ZMAT4: variants seen among roughly 807,000 people sequenced by gnomAD.
ZMAT4 encodes zinc finger matrin-type 4, also known as zinc finger matrin-type protein 4.
In ZMAT4, 17 loss-of-function variants were observed where a neutral mutation model predicts 28.7. The ratio of observed to expected loss-of-function variants is 0.59; its 90% CI spans 0.41 to 0.89. The LOEUF (loss-of-function observed/expected upper bound fraction) is 0.89. Among genes scored for constraint, ZMAT4 ranks in the 40% least tolerant of loss-of-function variants. The pLI is 0.00. For missense variants in ZMAT4, 240 were observed against 283.8 expected (o/e 0.85, Z 1.11); for synonymous variants, 117 against 109.2 (o/e 1.07, Z -0.44).
At chr8:40,738,971 T>C (rs925915330) in intron 3 of ZMAT4, among the ~76,000 whole-genome samples, 2 of 152,184 alleles carry the variant, frequency 1.3e-5, no homozygotes, top group African/African-American at 4.8e-5. Context: ...AGAAAACAAT[T>C]TGTATGTTAG....
At chr8:40,548,795 A>G (rs757988638) in intron 6 of ZMAT4, among the ~76,000 whole-genome samples, 2 of 152,184 alleles carry the variant, frequency 1.3e-5, no homozygotes, top group Non-Finnish European at 2.9e-5. Context: ...TTCTTTGTCC[A>G]TTTGGTGAAA....
At chr8:40,873,456 CTTGGCCG>C (rs1817932937) in intron 1 of ZMAT4, among the ~76,000 whole-genome samples, 1 of 152,178 alleles carries the variant, frequency 6.6e-6, no homozygotes, top group African/African-American at 2.4e-5. Context: ...GATTCCTTGA[CTTGGCCG>C]TGGAATGCTC....
At chr8:40,730,444 T>C (rs973845923) in intron 3 of ZMAT4, among the ~76,000 whole-genome samples, 3 of 152,256 alleles carry the variant, frequency 2.0e-5, no homozygotes, top group Admixed American at 2.0e-4. Context: ...AATAGAAATG[T>C]TATTTATAAA....
rs1008123178 is a variant in ZMAT4 at position 40,781,522 on chromosome 8, G to C, written c.103-13792C>G. 3.3e-5 allele frequency among the ~76,000 whole-genome samples: 5 copies of C among 152,000 alleles called. No homozygotes were observed. The East Asian group carries it at 7.7e-4, about 24-fold the overall frequency. ...TCACGCCTGTAATCCCAGCACTTTG[G>C]GAGGCCGAGGCGGGCGGATCACGAG... is the stretch of plus-strand genomic sequence containing the variant. On this transcript the variant is annotated intron_variant, in intron 2 of 6. Transcript: ENST00000297737.
intron 1 of ZMAT4, among the ~76,000 whole-genome samples, chr8:40,857,290 G>T (rs1185201180): frequency 1.3e-5 from 2 of 152,066 alleles, no homozygotes; most frequent in Non-Finnish European, 2.9e-5. Flanking sequence ...GGAGGTGAAG[G>T]CTGCAGTGAG....
chr8:40,833,114 C>T (rs1026090795), intron 1 of ZMAT4, among the ~76,000 whole-genome samples: 4 of 152,196 alleles, frequency 2.6e-5, no homozygotes, highest in African/African-American at 9.7e-5. Flanking sequence ...CTCTGCCATG[C>T]CTGCCAGTGC....
chr8:40,632,398 TAAG>T (rs1359087127), intron 5 of ZMAT4, among the ~76,000 whole-genome samples: 3 of 152,008 alleles, frequency 2.0e-5, no homozygotes, highest in African/African-American at 7.3e-5. Context: ...ATCTCAAAAA[TAAG>T]AAAATAGTGA....
chr8:40,835,336 A>G (rs1586140657), intron 1 of ZMAT4, among the ~76,000 whole-genome samples: 1 of 152,156 alleles, frequency 6.6e-6, no homozygotes, highest in Non-Finnish European at 1.5e-5. Context: ...ATTCCATCAC[A>G]CCAAAGGGCT....
intron 5 of ZMAT4, among the ~76,000 whole-genome samples, chr8:40,587,154 A>G (rs1804696840): frequency 1.3e-5 from 2 of 152,062 alleles, no homozygotes; most frequent in Non-Finnish European, 2.9e-5. Context: ...ACACCTGTTC[A>G]CTCAGAATTC....
At chr8:40,696,258 G>A (rs989271122) in intron 4 of ZMAT4, among the ~76,000 whole-genome samples, 2 of 152,074 alleles carry the variant, frequency 1.3e-5, no homozygotes, top group Non-Finnish European at 2.9e-5. Context: ...TGATTCTCTA[G>A]GTAAAAGAAT....
chr8:40,759,223 A>G (rs560529888), intron 3 of ZMAT4, among the ~76,000 whole-genome samples: 3 of 143,038 alleles, frequency 2.1e-5, no homozygotes, highest in African/African-American at 7.8e-5. Context: ...TGGAGGTTGC[A>G]GTGAGCCGAG....
intron 6 of ZMAT4, 67 bp from the exon 7 acceptor site, chr8:40,532,305 C>T: frequency 8.5e-6 from 12 of 1,410,274 alleles, no homozygotes; most frequent in Non-Finnish European, 1.2e-5. Context: ...CCTCTTTCTC[C>T]CCCCCACCCC....
At position 40,565,758 on chromosome 8, in the gene ZMAT4, C is replaced by CTT. The variant is rs113385364; in HGVS notation, c.674+15405_674+15406dup. On this transcript the variant is annotated intron_variant, in intron 6 of 6. Transcript: ENST00000297737. Reference sequence around the variant, plus strand: ...TTTCCCAACTCAGGTTCCAGGCTACCTTTTTTTTTTTTTTTAATAAGAGCT... The same window carrying CTT: ...TTTCCCAACTCAGGTTCCAGGCTACCTTTTTTTTTTTTTTTTTAATAAGAGCT... 6.5e-4 allele frequency among the ~76,000 whole-genome samples: 91 copies of CTT among 140,690 alleles called. 1 individual carries two copies. In the South Asian group the frequency reaches 8.2e-3, roughly 13 times the overall value. 92.3% of individuals were successfully genotyped at this position (140,690 alleles called of 152,430 possible).
At chr8:40,547,889 A>G (rs1308719837) in intron 6 of ZMAT4, among the ~76,000 whole-genome samples, 2 of 152,254 alleles carry the variant, frequency 1.3e-5, no homozygotes, top group East Asian at 1.9e-4. Flanking sequence ...GGCTGTGAAG[A>G]AAAACAAAGC....
chr8:40,826,372 A>G (rs1393275305), intron 1 of ZMAT4, among the ~76,000 whole-genome samples: 1 of 152,224 alleles, frequency 6.6e-6, no homozygotes, highest in African/African-American at 2.4e-5. Context: ...AAATATGTAT[A>G]GATGCATTAA....
chr8:40,787,034 A>G (rs1476660749), intron 2 of ZMAT4, among the ~76,000 whole-genome samples: 2 of 152,202 alleles, frequency 1.3e-5, no homozygotes, highest in Non-Finnish European at 2.9e-5. Context: ...ATGCTGACTA[A>G]TATATGTTTC....
At chr8:40,602,685 T>C (rs1033792807) in intron 5 of ZMAT4, among the ~76,000 whole-genome samples, 1 of 152,196 alleles carries the variant, frequency 6.6e-6, no homozygotes, top group African/African-American at 2.4e-5. Flanking sequence ...GAGAATTGTC[T>C]ATTTATGTCC....
intron 2 of ZMAT4, among the ~76,000 whole-genome samples, chr8:40,805,983 A>T (rs1000402893): frequency 6.7e-6 from 1 of 149,308 alleles, no homozygotes; most frequent in African/African-American, 2.5e-5. Context: ...CAAAGATCTG[A>T]TGAACCTTGT....
intron 1 of ZMAT4, among the ~76,000 whole-genome samples, chr8:40,828,394 C>T (rs1166350073): frequency 1.3e-5 from 2 of 152,106 alleles, no homozygotes; most frequent in Non-Finnish European, 2.9e-5. Flanking sequence ...TCCAAACTCA[C>T]TGCACACTCC....
Sources: gnomAD v4.1 joint callset for allele counts (sites outside exome capture counted in the v4.1 genomes callset) on GRCh38, gnomAD v4.1.1 for gene constraint, MANE v1.5 for transcripts, NCBI Gene and HGNC (gene_info 2026-07-23, HGNC 2026-07-21) for gene names.